Variants in OXNAD1 observed in about 807,000 individuals in gnomAD.
OXNAD1 encodes the protein oxidoreductase NAD binding domain containing 1.
A neutral mutation model predicts 32.9 loss-of-function variants in OXNAD1; 34 were observed. The ratio of observed to expected loss-of-function variants is 1.03; its 90% CI spans 0.79 to 1.38. OXNAD1 has a LOEUF of 1.38. OXNAD1 is among the 40% of genes most tolerant of loss of function. The pLI is 0.00. For missense variants in OXNAD1, 407 were observed against 379.4 expected (o/e 1.07, Z -0.60); for synonymous variants, 134 against 135.2 (o/e 0.99, Z 0.06).
chr3:16,309,741 C>T (rs531784405), downstream of OXNAD1, among the ~76,000 whole-genome samples: 99 of 152,222 alleles, frequency 6.5e-4, no homozygotes, highest in Non-Finnish European at 1.1e-3. Flanking sequence ...GCCCATTCTA[C>T]AACTTGTTTC....
In OXNAD1 at chr3:16,302,749, G is replaced by T. The variant is rs2067278480; in HGVS notation, c.784+1G>T. The T allele has an allele frequency of 6.2e-7, 1 of 1,600,224 alleles. No homozygotes were observed. Among genetic ancestry groups the T allele is most frequent in the African/African-American group, 1.3e-5 (1 of 74,560 alleles). On this transcript the variant is annotated splice_donor_variant, in intron 8 of 8. Coordinates refer to ENST00000285083, the MANE Select transcript of OXNAD1 (RefSeq NM_138381.5). LOFTEE classifies it high-confidence loss of function. This position sits in a 1 kb window ranked among gnomAD's most constrained non-coding sequence, Gnocchi z 4.2. ...GCGGAACTCAAGCCATACATCACGG[G>T]TGAGTCCCCTAAAGATATTTTGACT... is the stretch of plus-strand genomic sequence containing the variant.
Position 16,294,908 on chromosome 3 carries a change from T to A in OXNAD1, c.343T>A (p.Ser115Thr). ...TGTGGTTGGTGGGTTTTCAATATGC[T>A]CCAGTCCCAGACTGCTAGAACAAGA... ...VSVVGGFSIC[S>T]SPRLLEQERV... Residue 115 changes from serine to threonine, a missense_variant, in exon 6 of 9, where the codon TCC (serine) becomes ACC (threonine). Ser to Thr is a moderately conservative substitution (Grantham distance 58, BLOSUM62 1). Transcript: ENST00000285083. 6.2e-7 allele frequency: 1 copy of A among 1,613,770 alleles called. No individual in the cohort carries two copies. Among genetic ancestry groups the A allele is most frequent in the South Asian group, 1.1e-5 (1 of 91,044 alleles).
chr3:16,309,202 ATGG>A (rs1448188264), downstream of OXNAD1, among the ~76,000 whole-genome samples: 2 of 152,202 alleles, frequency 1.3e-5, no homozygotes, highest in African/African-American at 4.8e-5. Context: ...TATCTCCATG[ATGG>A]ACATTTAAAT....
At position 16,289,560 on chromosome 3, in the gene OXNAD1, A is replaced by G. The variant is rs112171808; in HGVS notation, c.290+3112A>G. Among the ~76,000 whole-genome samples the G allele has an allele frequency of 6.6e-6, 1 of 152,188 alleles. No homozygotes were observed. The highest frequency in any genetic ancestry group is 1.5e-5 in the Non-Finnish European group (1 of 68,026). On this transcript the variant is annotated intron_variant, in intron 5 of 8. Transcript: ENST00000285083. The surrounding 1 kb of genome is among the most constrained non-coding windows in gnomAD (Gnocchi z 4.9). Reference sequence around the variant, plus strand: ...CAAGATTAGAGAAATAAGACTTTATACCTACCCTTGAGCAGGGCTGCCACA... The same window carrying G: ...CAAGATTAGAGAAATAAGACTTTATGCCTACCCTTGAGCAGGGCTGCCACA...
At position 16,322,641 on chromosome 3, in the gene OXNAD1, G is replaced by T. The variant is rs1429995273; in HGVS notation, c.*31-14471G>T. On this transcript the variant is annotated intron_variant, in intron 9 of 9. Coordinates refer to the OXNAD1 transcript ENST00000435829. This position sits in a 1 kb window ranked among gnomAD's most constrained non-coding sequence, Gnocchi z 6.2. ...AAGCACCACAGGCTGCTCAGGGTGGGGTGGGAAGCATCAGAATCATCTGGC... is the reference window on the plus strand; with the variant it reads ...AAGCACCACAGGCTGCTCAGGGTGGTGTGGGAAGCATCAGAATCATCTGGC... Among the ~76,000 whole-genome samples, 1 of 152,186 alleles carries T rather than the reference G, an allele frequency of 6.6e-6. No individual in the cohort carries two copies. Among genetic ancestry groups the T allele is most frequent in the Non-Finnish European group, 1.5e-5 (1 of 68,028 alleles).
chr3:16,284,165 G>A lies in OXNAD1; in HGVS notation c.184-2177G>A, dbSNP rs1163902440. Among the ~76,000 whole-genome samples the A allele has an allele frequency of 1.3e-5, 2 of 152,206 alleles. No individual in the cohort carries two copies. Among genetic ancestry groups the A allele is most frequent in the East Asian group, 1.9e-4 (1 of 5,198 alleles). ...CACACTGCAGTTTCTTGTTGTCCAT[G>A]TGAGCAGTCTCTGAGATGTTCAGTG... On this transcript the variant is annotated intron_variant, in intron 4 of 8. Coordinates refer to ENST00000285083, the MANE Select transcript of OXNAD1 (RefSeq NM_138381.5). The surrounding 1 kb of genome is among the most constrained non-coding windows in gnomAD (Gnocchi z 4.1).
chr3:16,303,397 G>A lies in OXNAD1; in HGVS notation c.785-11G>A. On this transcript the variant is annotated splice_polypyrimidine_tract_variant and intron_variant, in intron 8 of 8. Coordinates refer to ENST00000285083, the MANE Select transcript of OXNAD1 (RefSeq NM_138381.5). This position sits in a 1 kb window ranked among gnomAD's most constrained non-coding sequence, Gnocchi z 4.8. ...CTGGCTTAATTTGGTGTTTATTCTG[G>A]TTTTTGGTAGAAGGAAGAATAACGG... The A allele has an allele frequency of 6.2e-7, 1 of 1,613,034 alleles. No individual in the cohort carries two copies. The highest frequency in any genetic ancestry group is 8.5e-7 in the Non-Finnish European group (1 of 1,179,456).
chr3:16,295,004 A>C lies in OXNAD1; in HGVS notation c.432+7A>C, dbSNP rs2066677377. Reference sequence around the variant, plus strand: ...CCTCTGGGTTCACAATACGGTAAGCACACTGCCTGTTTAAACGCGATGATC... The same window carrying C: ...CCTCTGGGTTCACAATACGGTAAGCCCACTGCCTGTTTAAACGCGATGATC... On this transcript the variant is annotated splice_region_variant and intron_variant, in intron 6 of 8. Transcript: ENST00000285083. 1.2e-6 allele frequency: 2 copies of C among 1,604,554 alleles called. No individual in the cohort carries two copies. The highest frequency in any genetic ancestry group is 3.4e-5 in the Admixed American group (2 of 58,204).
intron 4 of OXNAD1, chr3:16,276,515 A>ATTT (rs35338490): frequency 3.5e-5 from 5 of 143,052 alleles, no homozygotes; most frequent in Non-Finnish European, 4.4e-5. Context: ...CAATCTTGCT[A>ATTT]TTTTTTTTTT....
rs1449159550 is a variant in OXNAD1 at position 16,303,704 on chromosome 3, TA to T, written c.*146del. The T allele has an allele frequency of 1.1e-6, 1 of 898,468 alleles. No homozygotes were observed. Among genetic ancestry groups the T allele is most frequent in the Non-Finnish European group, 1.6e-6 (1 of 637,010 alleles). The allele number at this position is 898,468 out of a possible 1,614,324, so 55.7% of individuals were successfully genotyped here. On this transcript the variant is annotated 3_prime_UTR_variant, in exon 9 of 9. Coordinates refer to ENST00000285083, the MANE Select transcript of OXNAD1 (RefSeq NM_138381.5). This position sits in a 1 kb window ranked among gnomAD's most constrained non-coding sequence, Gnocchi z 4.8. ...ATAAACTTAGTGACCAGCTGGATAA[TA>T]AAAGCCAGCTGGCAGACTTAAATGA...
At chr3:16,286,033 A>C (rs905182021) in intron 4 of OXNAD1, among the ~76,000 whole-genome samples, 1 of 152,206 alleles carries the variant, frequency 6.6e-6, no homozygotes, top group Non-Finnish European at 1.5e-5. Context: ...CAGAGTGCCT[A>C]GCCCAGTGCA....
intron 9 of OXNAD1, among the ~76,000 whole-genome samples, chr3:16,328,923 GCT>G (rs962010224): frequency 2.0e-5 from 3 of 152,200 alleles, no homozygotes; most frequent in Admixed American, 6.5e-5. Context: ...TAAAGGATCA[GCT>G]CTGTTAGAAA....
chr3:16,323,057 G>A (rs2069255621), intron 9 of OXNAD1, among the ~76,000 whole-genome samples: 1 of 152,204 alleles, frequency 6.6e-6, no homozygotes, highest in Non-Finnish European at 1.5e-5. Context: ...CCCACCCCAT[G>A]GTCAGGCTGC....
Position 16,301,616 on chromosome 3 carries a change from C to G in OXNAD1, c.433-10C>G, listed in dbSNP as rs201517052. 2.5e-6 allele frequency: 4 copies of G among 1,613,220 alleles called. No homozygotes were observed. The highest frequency in any genetic ancestry group is 3.4e-6 in the Non-Finnish European group (4 of 1,179,590). On this transcript the variant is annotated splice_polypyrimidine_tract_variant and intron_variant, in intron 6 of 8. Coordinates refer to ENST00000285083, the MANE Select transcript of OXNAD1 (RefSeq NM_138381.5). This position sits in a 1 kb window ranked among gnomAD's most constrained non-coding sequence, Gnocchi z 4.1. ...CAAAAGACTAAAAGGTCTTTTCTTT[C>G]CTGCCTTAGTGTACACTTGACTGTG...
chr3:16,351,942 T>G (rs956292122), downstream of OXNAD1, among the ~76,000 whole-genome samples: 3 of 152,168 alleles, frequency 2.0e-5, no homozygotes, highest in African/African-American at 7.2e-5. The surrounding 1 kb of genome is among the most constrained non-coding windows in gnomAD (Gnocchi z 5.4). Context: ...TTAAAGAAAC[T>G]GACACTGGGC....
At position 16,312,033 on chromosome 3, in the gene OXNAD1, G is replaced by T. The variant is rs28421777; in HGVS notation, c.*30+8441G>T. Among the ~76,000 whole-genome samples, 35,932 of 152,116 alleles carry T rather than the reference G, an allele frequency of 0.24. 5,930 individuals are homozygous for T. Among genetic ancestry groups the T allele is most frequent in the African/African-American group, 0.48 (19,729 of 41,458 alleles). On this transcript the variant is annotated intron_variant, in intron 9 of 9. Transcript: ENST00000435829. This position sits in a 1 kb window ranked among gnomAD's most constrained non-coding sequence, Gnocchi z 4.7. ...TCTGCTGGAGGGACATGCCGCTGTTGTGCAAGGGCTGGGGAAGCAAGCACC... is the reference window on the plus strand; with the variant it reads ...TCTGCTGGAGGGACATGCCGCTGTTTTGCAAGGGCTGGGGAAGCAAGCACC...
rs2065388203 is a variant in OXNAD1, at chr3:16,277,025, A to G, written c.183+5303A>G. Among the ~76,000 whole-genome samples, 1 of 151,516 alleles carries G rather than the reference A, an allele frequency of 6.6e-6. No homozygotes were observed. Among genetic ancestry groups the G allele is most frequent in the Non-Finnish European group, 1.5e-5 (1 of 67,872 alleles). Reference sequence around the variant, plus strand: ...CTGCAACCTCTGCCTCCCGGGTTCAAGTGACTCTCCTGCCTCAGCCTCCCC... The same window carrying G: ...CTGCAACCTCTGCCTCCCGGGTTCAGGTGACTCTCCTGCCTCAGCCTCCCC... On this transcript the variant is annotated intron_variant, in intron 4 of 8. Transcript: ENST00000285083. This position sits in a 1 kb window ranked among gnomAD's most constrained non-coding sequence, Gnocchi z 4.3.
Position 16,289,161 on chromosome 3 carries a change from G to C in OXNAD1, c.290+2713G>C, listed in dbSNP as rs2066265773. Among the ~76,000 whole-genome samples the C allele has an allele frequency of 6.6e-6, 1 of 152,214 alleles. No homozygotes were observed. Among genetic ancestry groups the C allele is most frequent in the Non-Finnish European group, 1.5e-5 (1 of 68,024 alleles). ...CTTCATTTGTTTGATTTTAGCTTTT[G>C]TTATTGCTAATAAGTATTTCATTCA... On this transcript the variant is annotated intron_variant, in intron 5 of 8. Transcript: ENST00000285083. This position sits in a 1 kb window ranked among gnomAD's most constrained non-coding sequence, Gnocchi z 4.9.
chr3:16,274,133 CT>C (rs1456330576), intron 4 of OXNAD1, among the ~76,000 whole-genome samples: 3 of 147,038 alleles, frequency 2.0e-5, no homozygotes, highest in Non-Finnish European at 3.0e-5. Flanking sequence ...TGGGTGTGTG[CT>C]TTCCCCCTTC....
Sources: gnomAD v4.1 joint callset for allele counts (sites outside exome capture counted in the v4.1 genomes callset) on GRCh38, gnomAD v4.1.1 for gene constraint, Gnocchi (gnomAD v3.1) non-coding constraint, MANE v1.5 for transcripts, NCBI Gene and HGNC (gene_info 2026-07-23, HGNC 2026-07-21) for gene names.